EFCAB6: variants seen among roughly 807,000 people sequenced by gnomAD.
EFCAB6 encodes EF-hand calcium binding domain 6.
In EFCAB6, 156 loss-of-function variants were observed where a neutral mutation model predicts 169.8. That is an observed-to-expected ratio of 0.92 (90% CI 0.81 to 1.05). The LOEUF is 1.05. EFCAB6 is among the 50% of genes least tolerant of loss of function. EFCAB6 has a pLI of 0.00. For synonymous variants in EFCAB6, 698 were observed against 676.4 expected, an observed-to-expected ratio of 1.03 and a Z score of -0.50; for missense variants, 1,800 against 1,829.1, an observed-to-expected ratio of 0.98 and a Z score of 0.29.
At chr22:43,757,658 C>T (rs1304737411) in intron 5 of EFCAB6, among the ~76,000 whole-genome samples, 1 of 152,208 alleles carries the variant, frequency 6.6e-6, no homozygotes, top group Non-Finnish European at 1.5e-5. Context: ...AGGAAGCCTT[C>T]CCTTCCCAAT....
At chr22:43,612,788 G>A (rs1382642457) in intron 21 of EFCAB6, among the ~76,000 whole-genome samples, 2 of 152,036 alleles carry the variant, frequency 1.3e-5, no homozygotes, top group Admixed American at 6.6e-5. Flanking sequence ...GAGCTACTCA[G>A]GAGGCTGAGG....
In EFCAB6 at chr22:43,808,615, A is replaced by T. The variant is rs1603397061; in HGVS notation, c.-8+380T>A. ...TAGCTGTTATTTTTAGGTCCCGAGGATATACAGAAAGATAAATCAGACAGA... is the reference window on the plus strand; with the variant it reads ...TAGCTGTTATTTTTAGGTCCCGAGGTTATACAGAAAGATAAATCAGACAGA... On this transcript the variant is annotated intron_variant, in intron 2 of 31. Transcript: ENST00000262726. 2.6e-5 allele frequency among the ~76,000 whole-genome samples: 4 copies of T among 152,344 alleles called. No individual in the cohort carries two copies. In the Middle Eastern group the frequency reaches 0.014, roughly 518 times the overall value.
At chr22:43,740,090 C>T (rs990495146) in intron 6 of EFCAB6, among the ~76,000 whole-genome samples, 6 of 152,136 alleles carry the variant, frequency 3.9e-5, no homozygotes, top group Admixed American at 2.0e-4. Context: ...AAGGCGCTGG[C>T]GCTTGCTGCT....
chr22:43,680,531 T>C (rs1199214805), intron 12 of EFCAB6, among the ~76,000 whole-genome samples: 1 of 152,094 alleles, frequency 6.6e-6, no homozygotes, highest in Non-Finnish European at 1.5e-5. Flanking sequence ...ACTGAATCTA[T>C]AAAGCAATTT....
At chr22:43,545,124 G>C (rs566871615) in intron 27 of EFCAB6, among the ~76,000 whole-genome samples, 96 of 152,074 alleles carry the variant, frequency 6.3e-4, no homozygotes, top group African/African-American at 2.3e-3. Flanking sequence ...TCTAGCTTGG[G>C]CAACAGAGTG....
intron 2 of EFCAB6, among the ~76,000 whole-genome samples, chr22:43,786,670 C>T (rs773895828): frequency 4.6e-5 from 7 of 151,482 alleles, no homozygotes; most frequent in Admixed American, 1.3e-4. Flanking sequence ...GCCAAGATCG[C>T]GCCACTGCAC....
intron 12 of EFCAB6, among the ~76,000 whole-genome samples, chr22:43,682,717 C>T (rs1193708934): frequency 6.6e-6 from 1 of 152,196 alleles, no homozygotes; most frequent in Non-Finnish European, 1.5e-5. Flanking sequence ...ATGTTTGCCT[C>T]ACCAAGGTGT....
At chr22:43,663,358 G>A (rs2057096254) in intron 17 of EFCAB6, among the ~76,000 whole-genome samples, 1 of 152,118 alleles carries the variant, frequency 6.6e-6, no homozygotes, top group Non-Finnish European at 1.5e-5. Flanking sequence ...TACTGCATAA[G>A]CCCATGATAT....
At chr22:43,632,294 CTT>C (rs200314912) in intron 18 of EFCAB6, 56 bp from the exon 19 acceptor site, 33,138 of 1,105,960 alleles carry the variant, frequency 0.03, no homozygotes, top group East Asian at 0.032. Flanking sequence ...TTCATTCCTT[CTT>C]TTTTTTTTTT....
chr22:43,610,437 T>C (rs542162103), intron 21 of EFCAB6, among the ~76,000 whole-genome samples: 1 of 152,312 alleles, frequency 6.6e-6, no homozygotes, highest in African/African-American at 2.4e-5. Flanking sequence ...TCAATCTCAC[T>C]AATAACAAAC....
intron 19 of EFCAB6, among the ~76,000 whole-genome samples, chr22:43,629,199 C>T (rs1016516967): frequency 6.6e-6 from 1 of 152,220 alleles, no homozygotes; most frequent in African/African-American, 2.4e-5. Flanking sequence ...TCATACATGG[C>T]TAATCTTCAC....
At chr22:43,668,138 G>C (rs2057343933) in intron 16 of EFCAB6, among the ~76,000 whole-genome samples, 3 of 152,084 alleles carry the variant, frequency 2.0e-5, no homozygotes, top group Non-Finnish European at 4.4e-5. Flanking sequence ...CTACTGAAAA[G>C]CCCAGGTATT....
In EFCAB6 at chr22:43,637,100, T is replaced by C. The variant is rs1210105870; in HGVS notation, c.1984-1884A>G. On this transcript the variant is annotated intron_variant, in intron 17 of 31. Transcript: ENST00000262726. The stretch of plus-strand genomic sequence containing the variant: ...CATAGGCAAAATCCAGTCTGAGCCT[T>C]TGTGGAGCCTGAAAGGATGGGAGGC... Among the ~76,000 whole-genome samples the C allele has an allele frequency of 5.3e-5, 8 of 152,156 alleles. No homozygotes were observed. In the South Asian group the frequency reaches 8.3e-4, roughly 16 times the overall value.
chr22:43,661,707 C>T (rs376352912), intron 17 of EFCAB6, among the ~76,000 whole-genome samples: 8 of 152,224 alleles, frequency 5.3e-5, no homozygotes, highest in Non-Finnish European at 7.3e-5. Context: ...AGGAGGCATG[C>T]GTCCACTCAG....
Position 43,576,451 on chromosome 22 carries a change from A to G in EFCAB6, c.3266T>C (p.Val1089Ala). The change falls in exon 26 of 32, where the codon GTA (valine) becomes GCA (alanine). Residue 1089 changes from valine to alanine, a missense_variant. Physicochemically the swap from Val to Ala is moderately conservative, Grantham distance 64. Transcript: ENST00000262726. ...AACTTGTCCGAATTCTGTAGCCTTT[A>G]CAAATCCTGTATCCTCTTTATCCAA... is the stretch of plus-strand genomic sequence containing the variant. ...SALDKEDTGFVKATEFGQVLK... is the reference protein window; with the variant it reads ...SALDKEDTGFAKATEFGQVLK... The G allele has an allele frequency of 6.3e-7, 1 of 1,590,644 alleles. No individual in the cohort carries two copies. Among genetic ancestry groups the G allele is most frequent in the East Asian group, 2.3e-5 (1 of 43,786 alleles).
intron 18 of EFCAB6, among the ~76,000 whole-genome samples, chr22:43,633,709 C>A (rs1008286550): frequency 6.6e-6 from 1 of 152,190 alleles, no homozygotes; most frequent in East Asian, 1.9e-4. Context: ...GTTGCTCCTG[C>A]GCCCTCCCCA....
intron 23 of EFCAB6, among the ~76,000 whole-genome samples, chr22:43,591,588 G>A (rs1053050062): frequency 5.3e-5 from 8 of 152,126 alleles, no homozygotes; most frequent in Non-Finnish European, 8.8e-5. Context: ...CCTGCAAGGC[G>A]GTGTCATCAG....
intron 7 of EFCAB6, among the ~76,000 whole-genome samples, chr22:43,732,745 G>T (rs1434654293): frequency 6.6e-6 from 1 of 151,920 alleles, no homozygotes; most frequent in Non-Finnish European, 1.5e-5. Flanking sequence ...GGAATTACAG[G>T]CATGAGCCAC....
intron 27 of EFCAB6, among the ~76,000 whole-genome samples, chr22:43,550,530 G>C (rs1449407415): frequency 6.6e-6 from 1 of 151,952 alleles, no homozygotes; most frequent in African/African-American, 2.4e-5. Context: ...ACATTAGTTG[G>C]GCGTGGTAGC....
Sources: allele counts gnomAD v4.1 joint callset (sites outside exome capture counted in the v4.1 genomes callset), GRCh38; gene constraint gnomAD v4.1.1; transcripts MANE v1.5; gene names NCBI Gene and HGNC (gene_info 2026-07-23, HGNC 2026-07-21).